EEPD1: variants seen among roughly 807,000 people sequenced by gnomAD.
EEPD1 encodes endonuclease/exonuclease/phosphatase family domain containing 1, also known as endonuclease/exonuclease/phosphatase family domain-containing protein 1.
In EEPD1, 17 loss-of-function variants were observed where a neutral mutation model predicts 46.3. That is an observed-to-expected ratio of 0.37 (90% CI 0.25 to 0.55). EEPD1 has a LOEUF of 0.55. Ranked by LOEUF, EEPD1 falls within the 20% of genes least tolerant of loss-of-function variation. The pLI, the probability that EEPD1 is intolerant of heterozygous loss-of-function variation, is 0.83. For missense variants in EEPD1, 673 were observed against 745.6 expected (o/e 0.90, Z 1.13); for synonymous variants, 313 against 315.6 (o/e 0.99, Z 0.09).
chr7:36,284,441 A>C (rs1787309105), intron 4 of EEPD1, among the ~76,000 whole-genome samples: 1 of 152,152 alleles, frequency 6.6e-6, no homozygotes, highest in Non-Finnish European at 1.5e-5. Context: ...CCTCCCCCCA[A>C]AGACAGAAGA....
At chr7:36,250,267 A>G (rs935239816) in intron 3 of EEPD1, among the ~76,000 whole-genome samples, 9 of 152,104 alleles carry the variant, frequency 5.9e-5, no homozygotes, top group Non-Finnish European at 1.3e-4. Flanking sequence ...CTTTTTTTCC[A>G]TTTTCAGTTT....
At chr7:36,237,777 C>G (rs552377171) in intron 2 of EEPD1, among the ~76,000 whole-genome samples, 4 of 152,010 alleles carry the variant, frequency 2.6e-5, no homozygotes, top group Non-Finnish European at 4.4e-5. Flanking sequence ...ATGGTGAAAC[C>G]CTGTCTGTAC....
intron 2 of EEPD1, among the ~76,000 whole-genome samples, chr7:36,177,332 A>G (rs1473061375): frequency 6.6e-6 from 1 of 151,904 alleles, no homozygotes; most frequent in African/African-American, 2.4e-5. Context: ...GGTATATTGC[A>G]TGATGCTGAG....
intron 5 of EEPD1, among the ~76,000 whole-genome samples, chr7:36,285,312 G>C (rs759846290): frequency 2.0e-5 from 3 of 152,126 alleles, no homozygotes; most frequent in Admixed American, 2.0e-4. Flanking sequence ...CCTTCTTATC[G>C]GCTGCATCTC....
intron 6 of EEPD1, among the ~76,000 whole-genome samples, chr7:36,288,044 A>C (rs1787368756): frequency 6.6e-6 from 1 of 152,148 alleles, no homozygotes; most frequent in Non-Finnish European, 1.5e-5. Context: ...TTAGGGGGGA[A>C]GAATATAAGT....
chr7:36,278,920 C>A (rs1171609973), intron 3 of EEPD1, among the ~76,000 whole-genome samples: 1 of 152,170 alleles, frequency 6.6e-6, no homozygotes, highest in Non-Finnish European at 1.5e-5. Flanking sequence ...AGCCACTCTG[C>A]TCTGGGCTGT....
rs919324563 is a variant in EEPD1, at chr7:36,193,131, C to T, written c.878+37929C>T. Reference sequence around the variant, plus strand: ...GAGGCAAGCCGGGCACAGAGCAGTGCGTCATGATGGGGGCACAGGATTCCG... The same window carrying T: ...GAGGCAAGCCGGGCACAGAGCAGTGTGTCATGATGGGGGCACAGGATTCCG... On this transcript the variant is annotated intron_variant, in intron 2 of 7. Coordinates refer to ENST00000242108, the MANE Select transcript of EEPD1 (RefSeq NM_030636.3). This position sits in a 1 kb window ranked among gnomAD's most constrained non-coding sequence, Gnocchi z 4.9. Among the ~76,000 whole-genome samples the T allele has an allele frequency of 8.5e-5, 13 of 152,180 alleles. No individual in the cohort carries two copies. The highest frequency in any genetic ancestry group is 2.2e-4 in the African/African-American group (9 of 41,450).
intron 3 of EEPD1, among the ~76,000 whole-genome samples, chr7:36,243,567 G>A (rs112199040): frequency 8.6e-5 from 13 of 151,916 alleles, no homozygotes; most frequent in Middle Eastern, 3.4e-3. Context: ...ACACCCTGCT[G>A]TGATAGAACT....
chr7:36,272,427 A>G (rs1787122806), intron 3 of EEPD1, among the ~76,000 whole-genome samples: 1 of 151,932 alleles, frequency 6.6e-6, no homozygotes, highest in Non-Finnish European at 1.5e-5. Flanking sequence ...ACTTCACTTC[A>G]GTCTCCACAA....
At chr7:36,161,365 C>G (rs1784899018) in intron 2 of EEPD1, among the ~76,000 whole-genome samples, 1 of 152,122 alleles carries the variant, frequency 6.6e-6, no homozygotes. Context: ...CCTGAGAGCA[C>G]AGGGACTTGG....
intron 2 of EEPD1, among the ~76,000 whole-genome samples, chr7:36,211,298 G>A (rs546475355): frequency 3.9e-5 from 6 of 152,150 alleles, no homozygotes; most frequent in Non-Finnish European, 5.9e-5. Flanking sequence ...ATAGCAATTG[G>A]TGTCTGAGTA....
chr7:36,157,035 A>G (rs776895466), intron 2 of EEPD1, among the ~76,000 whole-genome samples: 88 of 152,204 alleles, frequency 5.8e-4, no homozygotes, highest in Non-Finnish European at 1.1e-3. Flanking sequence ...GTCATTCCCT[A>G]AACAATCCAG....
At chr7:36,230,663 C>T (rs1350005985) in intron 2 of EEPD1, 1 of 152,144 alleles carries the variant, frequency 6.6e-6, no homozygotes, top group Admixed American at 6.5e-5. Flanking sequence ...TGTGCAGTGC[C>T]CTTCCAGCAG....
chr7:36,186,631 C>T (rs946278576), intron 2 of EEPD1, among the ~76,000 whole-genome samples: 5 of 152,194 alleles, frequency 3.3e-5, no homozygotes, highest in Non-Finnish European at 7.3e-5. Context: ...AAAGTTTCTA[C>T]ACTGATCTAA....
chr7:36,239,396 T>G (rs1209375558), intron 3 of EEPD1, among the ~76,000 whole-genome samples: 1 of 152,100 alleles, frequency 6.6e-6, no homozygotes, highest in East Asian at 1.9e-4. Flanking sequence ...ACTGCATTTC[T>G]GCTTGCTGTG....
Position 36,154,061 on chromosome 7 carries a change from G to T in EEPD1, c.-192-72G>T. 1 of 517,710 alleles carries T rather than the reference G, an allele frequency of 1.9e-6. No individual in the cohort carries two copies. 32.1% of individuals were successfully genotyped at this position (517,710 alleles called of 1,614,324 possible). ...CCCCGACTCCTGGTTACTAACTCTAGCACTAGGTAGGGGGTGCTAATGCAA... is the reference window on the plus strand; with the variant it reads ...CCCCGACTCCTGGTTACTAACTCTATCACTAGGTAGGGGGTGCTAATGCAA... On this transcript the variant is annotated intron_variant, in intron 1 of 7. Transcript: ENST00000242108. The surrounding 1 kb of genome is among the most constrained non-coding windows in gnomAD (Gnocchi z 4.2).
chr7:36,228,729 T>G (rs1028001714), intron 2 of EEPD1: 4 of 152,140 alleles, frequency 2.6e-5, no homozygotes, highest in African/African-American at 9.7e-5. Flanking sequence ...ATGGGAGAAT[T>G]TGAAACATAA....
chr7:36,297,134 C>T lies in EEPD1; in HGVS notation c.1457C>T (p.Ser486Leu), dbSNP rs765503854. The change falls in exon 7 of 8, where the codon TCG (serine) becomes TTG (leucine). Residue 486 changes from serine to leucine, a missense_variant. Physicochemically the swap from Ser to Leu is moderately radical, Grantham distance 145. Coordinates refer to ENST00000242108, the MANE Select transcript of EEPD1 (RefSeq NM_030636.3). Reference sequence around the variant, plus strand: ...ATCAGCACCAAGAACCCTCAAGGCTCGAAGTCTCTGGACAACATCTGGATC... The same window carrying T: ...ATCAGCACCAAGAACCCTCAAGGCTTGAAGTCTCTGGACAACATCTGGATC... The part of the protein sequence containing the change: ...TNISTKNPQG[S>L]KSLDNIWISK... 40 of 1,614,066 alleles carry T rather than the reference C, an allele frequency of 2.5e-5. 1 individual carries two copies. Among genetic ancestry groups the T allele is most frequent in the Admixed American group, 8.3e-5 (5 of 60,010 alleles).
chr7:36,165,050 AACTTTT>A, intron 2 of EEPD1, among the ~76,000 whole-genome samples: 1 of 135,360 alleles, frequency 7.4e-6, no homozygotes, highest in Admixed American at 7.1e-5. Flanking sequence ...AGAAAGAAAA[AACTTTT>A]AATTTAGTGT....
Sources: gnomAD v4.1 joint callset for allele counts (sites outside exome capture counted in the v4.1 genomes callset) on GRCh38, gnomAD v4.1.1 for gene constraint, Gnocchi (gnomAD v3.1) non-coding constraint, MANE v1.5 for transcripts, NCBI Gene and HGNC (gene_info 2026-07-23, HGNC 2026-07-21) for gene names.